Variants in WNK2 observed in about 807,000 individuals in gnomAD.
WNK2 encodes WNK lysine deficient protein kinase 2.
A neutral mutation model predicts 192.1 loss-of-function variants in WNK2; 67 were observed. That is an observed-to-expected ratio of 0.35 (90% CI 0.29 to 0.43). The LOEUF is 0.43. Among genes scored for constraint, WNK2 ranks in the 20% least tolerant of loss-of-function variants. The pLI is 1.00. For synonymous variants in WNK2, 1,439 were observed against 1,393.9 expected (o/e 1.03, Z -0.72); for missense variants, 2,698 against 3,089.7 (o/e 0.87, Z 3.01).
intron 2 of WNK2, among the ~76,000 whole-genome samples, chr9:93,211,999 G>T (rs116578020): frequency 0.017 from 2,541 of 150,588 alleles, 62 homozygotes; most frequent in African/African-American, 0.059. Context: ...CCCCATTCAC[G>T]CACTCATTCA....
chr9:93,293,194 G>A (rs1428888287), intron 23 of WNK2, 21 bp downstream of exon 23: 3 of 1,438,510 alleles, frequency 2.1e-6, no homozygotes, highest in Admixed American at 5.7e-5. Flanking sequence ...CGGGCAGGAA[G>A]TGTTGCCCCC....
rs547421914 is a variant in WNK2 at position 93,195,012 on chromosome 9, T to C, written c.681+9402T>C. Among the ~76,000 whole-genome samples, 35 of 144,164 alleles carry C rather than the reference T, an allele frequency of 2.4e-4. No homozygotes were observed. In the South Asian group the frequency reaches 7.6e-3, roughly 31 times the overall value. The allele number at this position is 144,164 out of a possible 152,430, so 94.6% of individuals were successfully genotyped here. ...ACATTCTGGAAAAGACGAGAAACCA[T>C]GAAGACAGTTAAAAAAAAAAAAAAA... On this transcript the variant is annotated intron_variant, in intron 2 of 29. Transcript: ENST00000427277.
chr9:93,298,972 A>C (rs779171910), intron 24 of WNK2, 98 bp from the exon 25 acceptor site: 1 of 1,319,232 alleles, frequency 7.6e-7, no homozygotes, highest in Non-Finnish European at 1.0e-6. Context: ...AGCTTCCCCA[A>C]GGTCACCCAG....
intron 2 of WNK2, 114 bp downstream of exon 2, chr9:93,185,724 T>G (rs556532925): frequency 8.2e-7 from 1 of 1,214,568 alleles, no homozygotes; most frequent in Admixed American, 2.2e-5. Context: ...GCGGCGGGGC[T>G]CCATGTGTGT....
At chr9:93,209,830 T>C (rs1205923067) in intron 2 of WNK2, among the ~76,000 whole-genome samples, 1 of 152,278 alleles carries the variant, frequency 6.6e-6, no homozygotes, top group African/African-American at 2.4e-5. Flanking sequence ...AGATTCTCCA[T>C]GTCATCCTCC....
At chr9:93,319,492 GC>G in intron 29 of WNK2, 1 of 816,616 alleles carries the variant, frequency 1.2e-6, no homozygotes, top group Non-Finnish European at 1.5e-6. Flanking sequence ...TGGCTGGGCT[GC>G]CCACCACTCT....
intron 2 of WNK2, among the ~76,000 whole-genome samples, chr9:93,224,187 G>A (rs932565627): frequency 5.1e-4 from 77 of 152,252 alleles, no homozygotes; most frequent in African/African-American, 1.8e-3. Flanking sequence ...CCGAGTGTGC[G>A]TGGGGCTCAC....
intron 2 of WNK2, among the ~76,000 whole-genome samples, chr9:93,193,330 A>C (rs910756644): frequency 6.6e-6 from 1 of 152,174 alleles, no homozygotes; most frequent in Non-Finnish European, 1.5e-5. Flanking sequence ...GCTGCCCTTC[A>C]TGGCTGGGGG....
Position 93,308,398 on chromosome 9 carries a change from G to A in WNK2, c.6330G>A (p.Gln2110=). ...AGCCCGCCCTGCACGTCCAGGCGCAGGTGAACAACAGCAACAACAAGAAGG... is the reference window on the plus strand; with the variant it reads ...AGCCCGCCCTGCACGTCCAGGCGCAAGTGAACAACAGCAACAACAAGAAGG... ...GPQPALHVQA[Q]VNNSNNKKGT... is the part of the protein sequence containing the mutation. The change falls in exon 28 of 30, where the codon CAG becomes CAA. Residue 2110 remains glutamine (Q), a synonymous_variant. Coordinates refer to ENST00000427277, the MANE Select transcript of WNK2 (RefSeq NM_006648.4). The A allele has an allele frequency of 6.3e-7, 1 of 1,587,634 alleles. No individual in the cohort carries two copies. Among genetic ancestry groups the A allele is most frequent in the Non-Finnish European group, 8.6e-7 (1 of 1,167,876 alleles).
Position 93,231,093 on chromosome 9 carries a change from G to C in WNK2, c.1060G>C (p.Ala354Pro). Reference sequence around the variant, plus strand: ...GGCCACTCTGAAAAGAGCGTCATTTGCCAAAAGTGTGATAGGTAAACCTGC... The same window carrying C: ...GGCCACTCTGAAAAGAGCGTCATTTCCCAAAAGTGTGATAGGTAAACCTGC... ...GLATLKRASFAKSVIGTPEFM... is the reference protein window; with the variant it reads ...GLATLKRASFPKSVIGTPEFM... The change falls in exon 4 of 30, where the codon GCC becomes CCC. Residue 354 changes from alanine to proline, a missense_variant. By Grantham distance (27) the Ala-to-Pro change is conservative. This residue lies in a region of WNK2 where 230 missense variants were observed against 501.1 expected (regional missense o/e 0.46). Coordinates refer to ENST00000427277, the MANE Select transcript of WNK2 (RefSeq NM_006648.4). The C allele has an allele frequency of 6.2e-7, 1 of 1,614,002 alleles. No homozygotes were observed. Among genetic ancestry groups the C allele is most frequent in the South Asian group, 1.1e-5 (1 of 91,084 alleles).
intron 29 of WNK2, chr9:93,318,279 T>C: frequency 1.3e-6 from 2 of 1,510,144 alleles, no homozygotes; most frequent in Non-Finnish European, 1.8e-6. Context: ...AAGTTCAATC[T>C]TTGGTTTTCT....
chr9:93,244,945 G>C (rs1841425005), intron 7 of WNK2, among the ~76,000 whole-genome samples: 1 of 152,158 alleles, frequency 6.6e-6, no homozygotes. Context: ...GGCTGGTTTG[G>C]GGCCAGCGGC....
intron 19 of WNK2, among the ~76,000 whole-genome samples, chr9:93,284,092 A>T (rs937687376): frequency 6.6e-6 from 1 of 151,820 alleles, no homozygotes; most frequent in Non-Finnish European, 1.5e-5. Flanking sequence ...AGGGGGAAAA[A>T]CCCTTCCTAT....
Position 93,195,653 on chromosome 9 carries a change from C to T in WNK2, c.681+10043C>T, listed in dbSNP as rs1370156703. Among the ~76,000 whole-genome samples, 6 of 126,204 alleles carry T rather than the reference C, an allele frequency of 4.8e-5. No homozygotes were observed. The South Asian group carries it at 1.0e-3, about 22-fold the overall frequency. 82.8% of individuals were successfully genotyped at this position (126,204 alleles called of 152,430 possible). On this transcript the variant is annotated intron_variant, in intron 2 of 29. Transcript: ENST00000427277. ...GGTGGAGGTTGCAGTGAGCCAAGAT[C>T]GTGCCACTGCACTCCAGCCTGGGCA...
Position 93,257,549 on chromosome 9 carries a change from G to C in WNK2, c.2382+410G>C, listed in dbSNP as rs1461994744. Among the ~76,000 whole-genome samples, 1 of 152,208 alleles carries C rather than the reference G, an allele frequency of 6.6e-6. No individual in the cohort carries two copies. Among genetic ancestry groups the C allele is most frequent in the East Asian group, 1.9e-4 (1 of 5,202 alleles). On this transcript the variant is annotated intron_variant, in intron 11 of 29. Transcript: ENST00000427277. The surrounding 1 kb of genome is among the most constrained non-coding windows in gnomAD (Gnocchi z 4.7). ...GCCCATCTGCCCTCAGCTTACCCATGTGCCCAGGCTCATCCAGGATAGGAA... is the reference window on the plus strand; with the variant it reads ...GCCCATCTGCCCTCAGCTTACCCATCTGCCCAGGCTCATCCAGGATAGGAA...
intron 2 of WNK2, among the ~76,000 whole-genome samples, chr9:93,220,893 G>A (rs756683713): frequency 5.3e-5 from 8 of 152,138 alleles, no homozygotes; most frequent in Non-Finnish European, 8.8e-5. Flanking sequence ...CCCAGCCTGG[G>A]TCCCCCTTTG....
chr9:93,229,227 T>C lies in WNK2; in HGVS notation c.682-469T>C, dbSNP rs1838325987. 6.6e-6 allele frequency among the ~76,000 whole-genome samples: 1 copy of C among 152,066 alleles called. No homozygotes were observed. The highest frequency in any genetic ancestry group is 1.5e-5 in the Non-Finnish European group (1 of 68,010). Reference sequence around the variant, plus strand: ...TTTGGCTCTGCTAGGGCTTTTCTCTTCCCTCCATTCTCAGCTCTTATCTCA... The same window carrying C: ...TTTGGCTCTGCTAGGGCTTTTCTCTCCCCTCCATTCTCAGCTCTTATCTCA... On this transcript the variant is annotated intron_variant, in intron 2 of 29. Transcript: ENST00000427277. The surrounding 1 kb of genome is among the most constrained non-coding windows in gnomAD (Gnocchi z 4.9).
At chr9:93,188,570 C>T (rs1470914118) in intron 2 of WNK2, among the ~76,000 whole-genome samples, 2 of 152,204 alleles carry the variant, frequency 1.3e-5, no homozygotes, top group African/African-American at 4.8e-5. Context: ...GGCAGCAGAA[C>T]ACATTATGGT....
At chr9:93,292,229 G>C in intron 21 of WNK2, 79 bp from the exon 22 acceptor site, 1 of 1,501,368 alleles carries the variant, frequency 6.7e-7, no homozygotes, top group Non-Finnish European at 9.2e-7. Context: ...ATCACTTTGG[G>C]CTGCTTCGGG....
Sources: allele counts gnomAD v4.1 joint callset (sites outside exome capture counted in the v4.1 genomes callset), GRCh38; gene constraint gnomAD v4.1.1; regional missense constraint gnomAD v4.1.1; non-coding constraint Gnocchi (gnomAD v3.1); transcripts MANE v1.5; gene names NCBI Gene and HGNC (gene_info 2026-07-23, HGNC 2026-07-21).